Variants in DLC1 observed in about 807,000 individuals in gnomAD.
DLC1 encodes rho GTPase-activating protein 7.
DLC1 carries 54 observed loss-of-function variants against 140.3 expected under a neutral mutation model. The observed-to-expected ratio is 0.38, with a 90% CI of 0.31 to 0.48. The LOEUF is 0.48. Among genes scored for constraint, DLC1 ranks in the 20% least tolerant of loss-of-function variants. The pLI, the probability that DLC1 is intolerant of heterozygous loss-of-function variation, is 0.96. For synonymous variants in DLC1, 986 were observed against 728.1 expected (o/e 1.35, Z -5.70); for missense variants, 2,536 against 1,907.0 (o/e 1.33, Z -6.14).
At chr8:13,311,041 T>G (rs1832646759) in intron 4 of DLC1, among the ~76,000 whole-genome samples, 1 of 152,226 alleles carries the variant, frequency 6.6e-6, no homozygotes, top group Non-Finnish European at 1.5e-5. Flanking sequence ...GGGTTTGATT[T>G]GTGGGTTGTA....
chr8:13,575,602 G>T (rs1345382900), intron 1 of DLC1, among the ~76,000 whole-genome samples: 1 of 152,158 alleles, frequency 6.6e-6, no homozygotes, highest in East Asian at 1.9e-4. Flanking sequence ...AAAAAAAAAT[G>T]CAGTCCTAAT....
intron 5 of DLC1, among the ~76,000 whole-genome samples, chr8:13,127,737 T>G (rs891641031): frequency 6.6e-6 from 1 of 152,202 alleles, no homozygotes; most frequent in African/African-American, 2.4e-5. Context: ...TGTGGAAAAC[T>G]TTTGTCCCTT....
chr8:13,227,118 G>C (rs1311341569), intron 5 of DLC1, among the ~76,000 whole-genome samples: 3 of 152,126 alleles, frequency 2.0e-5, no homozygotes, highest in Admixed American at 6.6e-5. Flanking sequence ...GAGCATCTGA[G>C]TTCAAGCAAT....
At chr8:13,120,513 C>T (rs1023417531) in intron 5 of DLC1, among the ~76,000 whole-genome samples, 9 of 151,560 alleles carry the variant, frequency 5.9e-5, no homozygotes, top group African/African-American at 2.2e-4. Flanking sequence ...GCCTCTAACA[C>T]AGCTCTGAAT....
intron 5 of DLC1, among the ~76,000 whole-genome samples, chr8:13,231,870 A>G (rs555620073): frequency 6.6e-6 from 1 of 152,326 alleles, no homozygotes; most frequent in South Asian, 2.1e-4. Flanking sequence ...GATATGCTTA[A>G]TTATTTTTGA....
chr8:13,099,730 GGAA>G lies in DLC1; in HGVS notation c.2604_2606del (p.Ser871del), dbSNP rs1818851677. On this transcript the variant is annotated inframe_deletion, in exon 9 of 18. Coordinates refer to ENST00000276297, the MANE Select transcript of DLC1 (RefSeq NM_182643.3). The stretch of plus-strand genomic sequence containing the variant: ...TGCTCAGGCGGCTGCTCATGGAGCT[GGAA>G]GAATTGCGTCTCTTCAGTTCCTTGG... 6.2e-7 allele frequency: 1 copy of G among 1,614,060 alleles called. No individual in the cohort carries two copies. Among genetic ancestry groups the G allele is most frequent in the African/African-American group, 1.3e-5 (1 of 74,928 alleles).
chr8:13,181,314 CT>C (rs113553962), intron 5 of DLC1, among the ~76,000 whole-genome samples: 115 of 140,372 alleles, frequency 8.2e-4, no homozygotes, highest in Middle Eastern at 3.9e-3. Flanking sequence ...GGCTGTATTT[CT>C]TTTTTTTTTT....
intron 5 of DLC1, among the ~76,000 whole-genome samples, chr8:13,166,975 G>T (rs941575996): frequency 2.6e-5 from 4 of 152,120 alleles, no homozygotes; most frequent in African/African-American, 9.7e-5. Context: ...TGATGAAAAT[G>T]AAGCAAGCGG....
chr8:13,332,676 G>A (rs1017561386), intron 4 of DLC1, among the ~76,000 whole-genome samples: 11 of 152,092 alleles, frequency 7.2e-5, no homozygotes, highest in Admixed American at 4.6e-4. Flanking sequence ...CAAGTGAAAC[G>A]CCCGACTTGG....
chr8:13,520,191 A>G (rs10105078), intron 1 of DLC1, among the ~76,000 whole-genome samples: 1 of 152,134 alleles, frequency 6.6e-6, no homozygotes, highest in Admixed American at 6.5e-5. Flanking sequence ...TATTGTGGCA[A>G]TATTCACAAT....
intron 2 of DLC1, among the ~76,000 whole-genome samples, chr8:13,498,011 T>G (rs1801593859): frequency 6.6e-6 from 1 of 152,190 alleles, no homozygotes; most frequent in South Asian, 2.1e-4. Context: ...TAGTAGATTT[T>G]TTTTTCTCTC....
At chr8:13,143,911 G>A (rs777849602) in intron 5 of DLC1, among the ~76,000 whole-genome samples, 2 of 151,438 alleles carry the variant, frequency 1.3e-5, no homozygotes, top group Non-Finnish European at 2.9e-5. Flanking sequence ...AGTTTTCCCC[G>A]GGCAGGCACA....
At chr8:13,281,882 C>G (rs1245534150) in intron 5 of DLC1, among the ~76,000 whole-genome samples, 1 of 152,198 alleles carries the variant, frequency 6.6e-6, no homozygotes. Flanking sequence ...ACCTGAGCTA[C>G]AAAAAGTCAC....
chr8:13,474,790 T>C (rs942462094), intron 2 of DLC1, among the ~76,000 whole-genome samples: 2 of 152,232 alleles, frequency 1.3e-5, no homozygotes, highest in African/African-American at 2.4e-5. Flanking sequence ...GTAGCCCCTT[T>C]GTTTTGGCCA....
intron 1 of DLC1, among the ~76,000 whole-genome samples, chr8:13,590,629 A>G (rs367544794): frequency 4.6e-5 from 7 of 152,220 alleles, no homozygotes; most frequent in Admixed American, 2.0e-4. Flanking sequence ...GGGAGCTTCA[A>G]AATATTCTTT....
At chr8:13,133,280 G>C in intron 5 of DLC1, 2 of 1,308,724 alleles carry the variant, frequency 1.5e-6, no homozygotes, top group South Asian at 3.6e-5. Context: ...TCGGGCAGTC[G>C]GAGCGAACTG....
chr8:13,580,249 A>C (rs1275433412), intron 1 of DLC1, among the ~76,000 whole-genome samples: 2 of 151,826 alleles, frequency 1.3e-5, no homozygotes, highest in East Asian at 3.9e-4. Context: ...CAGCCTCCCG[A>C]GTAGCTGGGC....
At chr8:13,446,793 T>A (rs1798793560) in intron 2 of DLC1, among the ~76,000 whole-genome samples, 1 of 151,964 alleles carries the variant, frequency 6.6e-6, no homozygotes, top group South Asian at 2.1e-4. Context: ...ATACAAAACA[T>A]TAGCCAGGCG....
chr8:13,519,553 A>G (rs1802703037), upstream of DLC1, among the ~76,000 whole-genome samples: 1 of 152,184 alleles, frequency 6.6e-6, no homozygotes, highest in South Asian at 2.1e-4. Context: ...TTTTGTCACA[A>G]TTTTGACACC....
Sources: gnomAD v4.1 joint callset for allele counts (sites outside exome capture counted in the v4.1 genomes callset) on GRCh38, gnomAD v4.1.1 for gene constraint, MANE v1.5 for transcripts, NCBI Gene and HGNC (gene_info 2026-07-23, HGNC 2026-07-21) for gene names.